Variants in CCDC138 observed in about 807,000 individuals in gnomAD.
CCDC138 encodes coiled-coil domain-containing protein 138.
Under a neutral mutation model 82.3 loss-of-function variants are expected in CCDC138, and 66 were observed. That is an observed-to-expected ratio of 0.80 (90% CI 0.66 to 0.98). The LOEUF (loss-of-function observed/expected upper bound fraction) is 0.98. CCDC138 is among the 50% of genes least tolerant of loss of function. The probability of loss-of-function intolerance (pLI) is 0.00; values close to 1 mark genes in which losing one functional copy is unlikely to be tolerated. For synonymous variants in CCDC138, 297 were observed against 265.4 expected (o/e 1.12, Z -1.16); for missense variants, 816 against 758.9 (o/e 1.08, Z -0.88).
At chr2:108,789,109 G>A in intron 3 of CCDC138, 143 bp downstream of exon 3, 2 of 628,924 alleles carry the variant, frequency 3.2e-6, no homozygotes, top group East Asian at 5.8e-5. Context: ...CTGCTAAATA[G>A]TTGAAGCGAG....
chr2:108,788,811 ATTG>A (rs536817990), intron 2 of CCDC138, 38 bp from the exon 3 acceptor site: 339 of 1,612,700 alleles, frequency 2.1e-4, no homozygotes, highest in Non-Finnish European at 2.7e-4. Context: ...TTTGTGATAT[ATTG>A]TTGTGGTAAT....
At chr2:108,788,826 T>A (rs1349758076) in intron 2 of CCDC138, 26 bp from the exon 3 acceptor site, 1 of 1,613,832 alleles carries the variant, frequency 6.2e-7, no homozygotes, top group Non-Finnish European at 8.5e-7. Flanking sequence ...TGTGGTAATC[T>A]TTCATGGTTT....
At chr2:108,824,873 A>G (rs181635763) in intron 10 of CCDC138, among the ~76,000 whole-genome samples, 2 of 152,284 alleles carry the variant, frequency 1.3e-5, no homozygotes, top group South Asian at 2.1e-4. Flanking sequence ...CTGCATTATA[A>G]TCTCATGGGA....
intron 12 of CCDC138, among the ~76,000 whole-genome samples, chr2:108,853,812 C>T (rs190955170): frequency 3.6e-5 from 5 of 139,276 alleles, no homozygotes; most frequent in Admixed American, 1.6e-4. Context: ...AGGCACCAGC[C>T]ATCCCCAGCC....
intron 10 of CCDC138, among the ~76,000 whole-genome samples, chr2:108,836,832 T>C (rs1367992340): frequency 6.6e-6 from 1 of 152,222 alleles, no homozygotes. Context: ...TATTTGTAAG[T>C]GGAACTGTTT....
At chr2:108,858,339 G>A (rs762640287) in intron 13 of CCDC138, among the ~76,000 whole-genome samples, 10 of 152,006 alleles carry the variant, frequency 6.6e-5, no homozygotes, top group East Asian at 1.9e-4. Flanking sequence ...GTAAGTCTCC[G>A]TCTCAAAAAC....
intron 13 of CCDC138, among the ~76,000 whole-genome samples, chr2:108,862,077 G>GTTTTTTTT (rs71383810): frequency 1.4e-5 from 2 of 141,386 alleles, no homozygotes; most frequent in African/African-American, 2.6e-5. Flanking sequence ...TATGATTTCA[G>GTTTTTTTT]TTTTTTTTTT....
At chr2:108,852,770 G>T (rs1307387907) in intron 12 of CCDC138, among the ~76,000 whole-genome samples, 2 of 152,108 alleles carry the variant, frequency 1.3e-5, no homozygotes, top group African/African-American at 2.4e-5. Flanking sequence ...GGAGGGACAG[G>T]ATCAGGAAAA....
intron 4 of CCDC138, among the ~76,000 whole-genome samples, chr2:108,792,688 C>T (rs1015917415): frequency 1.3e-5 from 2 of 152,132 alleles, no homozygotes; most frequent in Non-Finnish European, 2.9e-5. Context: ...TCTCCGTTGT[C>T]TGTTCAAAAT....
At chr2:108,859,480 A>G (rs1019707661) in intron 13 of CCDC138, among the ~76,000 whole-genome samples, 2 of 152,158 alleles carry the variant, frequency 1.3e-5, no homozygotes, top group Non-Finnish European at 1.5e-5. Flanking sequence ...GCCTAGGCCA[A>G]TGTCCAGAAG....
chr2:108,826,786 C>G (rs902982765), intron 10 of CCDC138, among the ~76,000 whole-genome samples: 1 of 152,164 alleles, frequency 6.6e-6, no homozygotes, highest in African/African-American at 2.4e-5. Flanking sequence ...AAGAAACCAG[C>G]TGGGATTTTG....
At chr2:108,830,690 C>A (rs1687415596) in intron 10 of CCDC138, among the ~76,000 whole-genome samples, 2 of 152,086 alleles carry the variant, frequency 1.3e-5, no homozygotes, top group South Asian at 2.1e-4. Flanking sequence ...CACATGTAAT[C>A]CCAGCTACTT....
chr2:108,873,066 CTTTGA>C (rs1695523332), intron 13 of CCDC138, among the ~76,000 whole-genome samples: 1 of 151,892 alleles, frequency 6.6e-6, no homozygotes, highest in South Asian at 2.1e-4. Context: ...TTTGGAGGCT[CTTTGA>C]TTTGTTTTTT....
intron 13 of CCDC138, among the ~76,000 whole-genome samples, chr2:108,868,879 C>G (rs1344052594): frequency 6.6e-6 from 1 of 151,968 alleles, no homozygotes; most frequent in Middle Eastern, 3.2e-3. Context: ...TGAATTGGTT[C>G]CATGAAGTGC....
At chr2:108,834,035 C>T (rs1239172183) in intron 10 of CCDC138, among the ~76,000 whole-genome samples, 4 of 150,678 alleles carry the variant, frequency 2.7e-5, no homozygotes, top group Admixed American at 6.6e-5. Context: ...CGTGAGCCAC[C>T]GTGCCCAGCC....
chr2:108,825,829 C>T (rs1686495251), intron 10 of CCDC138, among the ~76,000 whole-genome samples: 1 of 152,144 alleles, frequency 6.6e-6, no homozygotes, highest in South Asian at 2.1e-4. Context: ...AGTGGAACTG[C>T]TAAAGTGCCA....
chr2:108,813,276 A>G (rs1206041337), intron 9 of CCDC138, among the ~76,000 whole-genome samples: 1 of 146,140 alleles, frequency 6.8e-6, no homozygotes, highest in Non-Finnish European at 1.5e-5. Context: ...AAAAAAAGAA[A>G]ATTTCTCCAA....
At chr2:108,852,629 T>C (rs1691697807) in intron 12 of CCDC138, among the ~76,000 whole-genome samples, 1 of 152,208 alleles carries the variant, frequency 6.6e-6, no homozygotes, top group Non-Finnish European at 1.5e-5. Context: ...GAGGCCGTTA[T>C]CCTTAACAGA....
At chr2:108,867,541 C>G (rs1476216084) in intron 13 of CCDC138, among the ~76,000 whole-genome samples, 1 of 152,100 alleles carries the variant, frequency 6.6e-6, no homozygotes, top group African/African-American at 2.4e-5. Context: ...CCTCCCCAAG[C>G]CTTTGGCAAG....
Sources: gnomAD v4.1 joint callset for allele counts (sites outside exome capture counted in the v4.1 genomes callset) on GRCh38, gnomAD v4.1.1 for gene constraint, MANE v1.5 for transcripts, NCBI Gene and HGNC (gene_info 2026-07-23, HGNC 2026-07-21) for gene names.